The following NAA60 variants were observed in gnomAD, a reference collection of about 807,000 sequenced individuals.
The protein encoded by NAA60 is N-alpha-acetyltransferase 60.
NAA60 carries 8 observed loss-of-function variants against 26.1 expected under a neutral mutation model. That is an observed-to-expected ratio of 0.31 (90% confidence interval 0.18 to 0.55). The LOEUF is 0.55. Ranked by LOEUF, NAA60 falls within the 20% of genes least tolerant of loss-of-function variation. NAA60 has a pLI of 0.93. For missense variants in NAA60, 290 were observed against 311.3 expected (o/e 0.93, Z 0.51); for synonymous variants, 131 against 122.5 (o/e 1.07, Z -0.46).
chr16:3,458,170 C>T, intron 2 of NAA60: 10 of 984,984 alleles, frequency 1.0e-5, no homozygotes, highest in Non-Finnish European at 1.2e-5. Context: ...CGGCCGCCGG[C>T]TCCCCCACGA....
intron 2 of NAA60, among the ~76,000 whole-genome samples, chr16:3,460,645 G>A (rs1357401171): frequency 6.6e-6 from 1 of 152,174 alleles, no homozygotes; most frequent in Non-Finnish European, 1.5e-5. Flanking sequence ...GATTACAGGC[G>A]TGAGCCATTG....
intron 2 of NAA60, among the ~76,000 whole-genome samples, chr16:3,471,777 C>T (rs1285455882): frequency 6.6e-6 from 1 of 152,132 alleles, no homozygotes; most frequent in Admixed American, 6.6e-5. Flanking sequence ...GGCGGCTGGG[C>T]CTATGGGCTC....
At chr16:3,476,149 C>T (rs751228919) in intron 2 of NAA60, 73 bp from the exon 3 acceptor site, 23 of 1,182,390 alleles carry the variant, frequency 1.9e-5, no homozygotes, top group Non-Finnish European at 2.3e-5. Context: ...TCTTCTGTCT[C>T]GCCTGCCTCA....
At chr16:3,447,555 T>G (rs549203519) in intron 1 of NAA60, 2 of 985,292 alleles carry the variant, frequency 2.0e-6, no homozygotes, top group East Asian at 1.1e-4. Context: ...ACCGTATCCT[T>G]CATGGGAAGT....
chr16:3,455,570 T>C (rs928688611), intron 2 of NAA60, among the ~76,000 whole-genome samples: 7 of 151,820 alleles, frequency 4.6e-5, no homozygotes, highest in South Asian at 4.2e-4. Context: ...AATTTTTCTG[T>C]ATTTTTAGTA....
intron 2 of NAA60, chr16:3,450,231 C>T (rs1049366176): frequency 9.0e-6 from 3 of 331,600 alleles, no homozygotes; most frequent in Non-Finnish European, 1.6e-5. Flanking sequence ...GGGAGTGCTC[C>T]TGGGGTGGTC....
At chr16:3,468,539 C>G (rs1328789852) in intron 2 of NAA60, among the ~76,000 whole-genome samples, 1 of 152,190 alleles carries the variant, frequency 6.6e-6, no homozygotes, top group Non-Finnish European at 1.5e-5. Context: ...GAGGTCATTT[C>G]CATGTAAAAG....
chr16:3,482,156 T>C (rs369372833), intron 4 of NAA60, among the ~76,000 whole-genome samples: 3 of 152,366 alleles, frequency 2.0e-5, no homozygotes, highest in African/African-American at 7.2e-5. Context: ...TGCATTCCCA[T>C]GAGGCCCGCG....
chr16:3,483,136 G>C (rs962468425), intron 5 of NAA60, among the ~76,000 whole-genome samples: 2 of 152,228 alleles, frequency 1.3e-5, no homozygotes, highest in African/African-American at 2.4e-5. Context: ...GCCCATGGGA[G>C]GGCGCTACCA....
chr16:3,463,551 TAAAAA>T (rs71133639), intron 2 of NAA60, among the ~76,000 whole-genome samples: 7 of 113,900 alleles, frequency 6.1e-5, no homozygotes, highest in East Asian at 2.5e-4. Context: ...GACCCTGTGT[TAAAAA>T]AAAAAAAAAA....
At chr16:3,483,226 G>A (rs976751278) in intron 5 of NAA60, 137 bp from the exon 6 acceptor site, 3 of 700,434 alleles carry the variant, frequency 4.3e-6, no homozygotes, top group Middle Eastern at 4.7e-4. Context: ...CTTTGACAGT[G>A]GTGGTGAAGA....
At chr16:3,452,772 T>C (rs7184789) in intron 2 of NAA60, among the ~76,000 whole-genome samples, 10,319 of 151,382 alleles carry the variant, frequency 0.068, 543 homozygotes, top group South Asian at 0.26. Context: ...CTGGGCAACA[T>C]AGTGAGACTC....
At chr16:3,447,400 A>C (rs1370305084) in intron 1 of NAA60, 1 of 898,674 alleles carries the variant, frequency 1.1e-6, no homozygotes, top group African/African-American at 1.8e-5. Context: ...CTTCAAGGTA[A>C]ATGGGGTATC....
chr16:3,461,788 G>A (rs1008332742), intron 2 of NAA60, among the ~76,000 whole-genome samples: 7 of 152,088 alleles, frequency 4.6e-5, no homozygotes, highest in African/African-American at 1.4e-4. Flanking sequence ...GCATTTTCTC[G>A]TGTTTGACAA....
chr16:3,463,574 T>A (rs1036846985), intron 2 of NAA60, among the ~76,000 whole-genome samples: 15 of 98,060 alleles, frequency 1.5e-4, no homozygotes, highest in African/African-American at 4.4e-4. Context: ...AAAAAAAAAA[T>A]GCAAGCTGGC....
chr16:3,455,118 C>A (rs544008093), intron 2 of NAA60, among the ~76,000 whole-genome samples: 1 of 152,186 alleles, frequency 6.6e-6, no homozygotes, highest in Non-Finnish European at 1.5e-5. Context: ...ATGGTGCGAT[C>A]TCGGCTCGCT....
chr16:3,447,032 G>A (rs1173217477), intron 1 of NAA60, among the ~76,000 whole-genome samples: 4 of 152,004 alleles, frequency 2.6e-5, no homozygotes, highest in African/African-American at 7.3e-5. Context: ...AGTAGAGGAC[G>A]GGTTTTCCCC....
At chr16:3,468,912 C>T (rs1194316086) in intron 2 of NAA60, among the ~76,000 whole-genome samples, 1 of 152,112 alleles carries the variant, frequency 6.6e-6, no homozygotes, top group Non-Finnish European at 1.5e-5. Context: ...GGCCAACAAC[C>T]TTGTCTCTAC....
At chr16:3,453,683 C>T (rs1005674493) in intron 2 of NAA60, among the ~76,000 whole-genome samples, 5 of 152,160 alleles carry the variant, frequency 3.3e-5, no homozygotes, top group Non-Finnish European at 7.3e-5. Flanking sequence ...GCTGGGATTA[C>T]AGGTGTGAGC....
Sources: allele counts gnomAD v4.1 joint callset (sites outside exome capture counted in the v4.1 genomes callset), GRCh38; gene constraint gnomAD v4.1.1; transcripts MANE v1.5; gene names NCBI Gene and HGNC (gene_info 2026-07-23, HGNC 2026-07-21).